Variants in MAP4 observed in about 807,000 individuals in gnomAD.
MAP4 encodes microtubule associated protein 4.
In MAP4, 76 loss-of-function variants were observed where a neutral mutation model predicts 170.2. That is an observed-to-expected ratio of 0.45 (90% CI 0.37 to 0.54). MAP4 has a LOEUF of 0.54. Among genes scored for constraint, MAP4 ranks in the 20% least tolerant of loss-of-function variants. The pLI is 0.00. For synonymous variants in MAP4, 909 were observed against 994.5 expected, an observed-to-expected ratio of 0.91 and a Z score of 1.62; for missense variants, 2,506 against 2,748.0, an observed-to-expected ratio of 0.91 and a Z score of 1.97.
chr3:47,964,638 G>C (rs1293765736), intron 3 of MAP4, among the ~76,000 whole-genome samples: 3 of 152,128 alleles, frequency 2.0e-5, no homozygotes, highest in Non-Finnish European at 4.4e-5. Context: ...CCCCCTCATG[G>C]AATTTAACCA....
intron 10 of MAP4, chr3:47,891,602 A>G (rs2153055136): frequency 1.3e-6 from 2 of 1,535,870 alleles, no homozygotes; most frequent in South Asian, 2.4e-5. Flanking sequence ...GGCCCTGCGC[A>G]CTGCCTTTTT....
At chr3:47,955,580 G>A (rs1010452159) in intron 3 of MAP4, among the ~76,000 whole-genome samples, 4 of 151,998 alleles carry the variant, frequency 2.6e-5, no homozygotes, top group African/African-American at 4.8e-5. Flanking sequence ...TAGTTGATGC[G>A]AGATAAACCC....
chr3:47,912,280 T>C lies in MAP4; in HGVS notation c.2141A>G (p.His714Arg), dbSNP rs1181945486. ...AGACAAAGAGCAGTGGCCCAGCCTG[T>C]GATCAAGAGTCTTCCATGGAGGAGA... is the stretch of plus-strand genomic sequence containing the variant. ...GGSPPWKTLD[H>R]RLGHCSLSES... The change falls in exon 9 of 21, where the codon CAC becomes CGC. Residue 714 changes from histidine (H) to arginine (R), a missense_variant. Around this residue, in one of 3 missense-constraint regions of MAP4, gnomAD observed 2,008 missense variants for 2,206.0 expected, o/e 0.91. Transcript: ENST00000683076. The C allele has an allele frequency of 1.3e-6, 2 of 1,535,954 alleles. No homozygotes were observed. The highest frequency in any genetic ancestry group is 2.7e-5 in the African/African-American group (2 of 73,016).
At chr3:47,875,993 T>C in intron 11 of MAP4, 93 bp from the exon 12 acceptor site, 4 of 948,266 alleles carry the variant, frequency 4.2e-6, no homozygotes, top group Admixed American at 5.1e-5. Flanking sequence ...AAAGTATAAA[T>C]TGCACAATTC....
chr3:48,003,102 C>T (rs186746368), intron 1 of MAP4, among the ~76,000 whole-genome samples: 26 of 151,946 alleles, frequency 1.7e-4, no homozygotes, highest in Admixed American at 1.5e-3. Context: ...AAGAAAGACA[C>T]GCACTGAGAG....
At position 48,024,181 on chromosome 3, in the gene MAP4, G is replaced by A. The variant is rs375583773; in HGVS notation, c.-19-25302C>T. Among the ~76,000 whole-genome samples, 25 of 152,076 alleles carry A rather than the reference G, an allele frequency of 1.6e-4. 1 individual carries two copies. The highest frequency in any genetic ancestry group is 6.6e-4 in the Admixed American group (10 of 15,250). On this transcript the variant is annotated intron_variant, in intron 1 of 18. Transcript: ENST00000360240. ...AAAAATTAGCTGGGCGTGGTGGAGC[G>A]TGCCTGTAGTCCCAGCTACTCGGGA...
chr3:48,021,353 GTT>G (rs532414824), upstream of MAP4, among the ~76,000 whole-genome samples: 1 of 142,342 alleles, frequency 7.0e-6, no homozygotes, highest in Non-Finnish European at 1.6e-5. Flanking sequence ...GTTTGTTTTT[GTT>G]TTTTTTTTTA....
intron 16 of MAP4, among the ~76,000 whole-genome samples, chr3:47,868,453 G>A (rs1039266119): frequency 6.6e-6 from 1 of 152,140 alleles, no homozygotes; most frequent in African/African-American, 2.4e-5. Flanking sequence ...CAGAAGCCAC[G>A]GTGCAGCTTT....
At chr3:47,873,689 T>G (rs897880106) in intron 12 of MAP4, among the ~76,000 whole-genome samples, 2 of 152,228 alleles carry the variant, frequency 1.3e-5, no homozygotes, top group African/African-American at 4.8e-5. Context: ...GGATTCCCTT[T>G]TCTATTGCTC....
intron 1 of MAP4, among the ~76,000 whole-genome samples, chr3:48,042,647 A>G (rs998035253): frequency 2.6e-5 from 4 of 152,208 alleles, no homozygotes; most frequent in African/African-American, 9.6e-5. Context: ...TGGAACCCTC[A>G]TATACTGCTA....
chr3:48,002,788 A>T lies in MAP4; in HGVS notation c.-19-3909T>A, dbSNP rs997582092. Among the ~76,000 whole-genome samples, 5 of 149,552 alleles carry T rather than the reference A, an allele frequency of 3.3e-5. No individual in the cohort carries two copies. The South Asian group carries it at 1.1e-3, about 32-fold the overall frequency. ...CCCAGTTAGGAGGCTGAGGCATGAG[A>T]ATCACTGGAACCTGGGAGGTGGAGG... is the stretch of plus-strand genomic sequence containing the variant. On this transcript the variant is annotated intron_variant, in intron 1 of 20. Coordinates refer to ENST00000683076, the MANE Select transcript of MAP4 (RefSeq NM_001385682.1).
intron 1 of MAP4, among the ~76,000 whole-genome samples, chr3:48,029,486 G>C (rs140992077): frequency 1.3e-5 from 2 of 152,142 alleles, no homozygotes; most frequent in Admixed American, 1.3e-4. Context: ...ACTTCCCTAG[G>C]AAGCAATAAT....
intron 1 of MAP4, among the ~76,000 whole-genome samples, chr3:48,060,487 G>GA (rs2100134598): frequency 1.3e-5 from 2 of 152,098 alleles, no homozygotes; most frequent in Admixed American, 1.3e-4. Flanking sequence ...ATGTAGGAAA[G>GA]AAAAAACTGA....
At chr3:47,904,324 A>T (rs549996023) in intron 9 of MAP4, among the ~76,000 whole-genome samples, 46 of 151,912 alleles carry the variant, frequency 3.0e-4, no homozygotes, top group Admixed American at 2.6e-4. Flanking sequence ...TATTATTATT[A>T]TTATTTTTTG....
At chr3:47,962,373 G>A (rs1404179853) in intron 3 of MAP4, among the ~76,000 whole-genome samples, 1 of 152,166 alleles carries the variant, frequency 6.6e-6, no homozygotes, top group Non-Finnish European at 1.5e-5. Context: ...ACCCTGACCT[G>A]CAGCAACTCA....
chr3:48,032,640 G>A (rs1051221764), intron 1 of MAP4, among the ~76,000 whole-genome samples: 1 of 152,110 alleles, frequency 6.6e-6, no homozygotes, highest in Non-Finnish European at 1.5e-5. Flanking sequence ...ACTCCAGCCT[G>A]GGTGACAGAG....
chr3:47,887,456 G>C (rs1358707058), intron 10 of MAP4, among the ~76,000 whole-genome samples: 1 of 152,206 alleles, frequency 6.6e-6, no homozygotes, highest in Admixed American at 6.5e-5. Flanking sequence ...GGCAGGGCTC[G>C]GGACCTGCAG....
At chr3:48,056,704 G>C (rs2100131999) in intron 1 of MAP4, among the ~76,000 whole-genome samples, 1 of 107,986 alleles carries the variant, frequency 9.3e-6, no homozygotes, top group African/African-American at 4.2e-5. Context: ...GCCCCGTCTG[G>C]GAGGTGAGGG....
intron 3 of MAP4, among the ~76,000 whole-genome samples, chr3:47,972,082 T>G (rs926701044): frequency 5.9e-5 from 9 of 152,202 alleles, no homozygotes; most frequent in African/African-American, 1.9e-4. Flanking sequence ...TTAAATTAAG[T>G]GTTCTTAACT....
Sources: allele counts gnomAD v4.1 joint callset (sites outside exome capture counted in the v4.1 genomes callset), GRCh38; gene constraint gnomAD v4.1.1; regional missense constraint gnomAD v4.1.1; transcripts MANE v1.5; gene names NCBI Gene and HGNC (gene_info 2026-07-23, HGNC 2026-07-21).